NDST4: variants seen among roughly 807,000 people sequenced by gnomAD.
NDST4 encodes N-heparan sulfate sulfotransferase 4.
NDST4 carries 63 observed loss-of-function variants against 100.8 expected under a neutral mutation model. That is an observed-to-expected ratio of 0.62 (90% CI 0.51 to 0.77). NDST4 has a LOEUF of 0.77. NDST4 is among the 30% of genes least tolerant of loss of function. NDST4 has a pLI of 0.00. For missense variants in NDST4, 943 were observed against 1,018.4 expected (o/e 0.93, Z 1.01); for synonymous variants, 377 against 361.8 (o/e 1.04, Z -0.48).
At chr4:115,090,209 T>C (rs1729488325) in intron 1 of NDST4, among the ~76,000 whole-genome samples, 1 of 151,862 alleles carries the variant, frequency 6.6e-6, no homozygotes, top group South Asian at 2.1e-4. Flanking sequence ...ATATATATTT[T>C]TACTAGGCAC....
rs373280089 is a variant in NDST4 at position 114,884,962 on chromosome 4, A to G, written c.1537-14012T>C. On this transcript the variant is annotated intron_variant, in intron 6 of 13. Coordinates refer to ENST00000264363, the MANE Select transcript of NDST4 (RefSeq NM_022569.3). ...AGCTCAGAGTGGTTTTGCAGTTTAT[A>G]CATAAGATGATCTGAGAAACTAAAA... Among the ~76,000 whole-genome samples, 28 of 152,280 alleles carry G rather than the reference A, an allele frequency of 1.8e-4. No individual in the cohort carries two copies. In the East Asian group the frequency reaches 5.4e-3, roughly 29 times the overall value.
chr4:114,852,289 A>G (rs1435464403), intron 8 of NDST4, among the ~76,000 whole-genome samples: 2 of 152,288 alleles, frequency 1.3e-5, no homozygotes, highest in African/African-American at 2.4e-5. Flanking sequence ...TTTGAAAGTA[A>G]TCATGGCAGT....
At chr4:114,938,283 G>C (rs1351220555) in intron 4 of NDST4, among the ~76,000 whole-genome samples, 1 of 152,112 alleles carries the variant, frequency 6.6e-6, no homozygotes, top group East Asian at 1.9e-4. Flanking sequence ...CCTTGGTTTT[G>C]AACCTTAACA....
chr4:115,105,808 C>T (rs1729822359), intron 1 of NDST4, among the ~76,000 whole-genome samples: 1 of 152,116 alleles, frequency 6.6e-6, no homozygotes, highest in African/African-American at 2.4e-5. Context: ...GCTTAGTCTG[C>T]TAGCGTCACA....
At chr4:114,993,710 A>G (rs899643937) in intron 2 of NDST4, among the ~76,000 whole-genome samples, 1 of 151,954 alleles carries the variant, frequency 6.6e-6, no homozygotes, top group East Asian at 1.9e-4. Context: ...CATAAAGTCT[A>G]TCTTCCGCTA....
At position 114,847,416 on chromosome 4, in the gene NDST4, A is replaced by AAAAAAAAAAAAT. The variant is rs1391736224; in HGVS notation, c.1940+798_1940+799insATTTTTTTTTTT. 2.7e-4 allele frequency among the ~76,000 whole-genome samples: 28 copies of AAAAAAAAAAAAT among 103,638 alleles called. 6 individuals carry two copies. Among genetic ancestry groups the AAAAAAAAAAAAT allele is most frequent in the African/African-American group, 7.6e-4 (18 of 23,592 alleles). 68.0% of individuals were successfully genotyped at this position (103,638 alleles called of 152,430 possible). On this transcript the variant is annotated intron_variant, in intron 9 of 13. Transcript: ENST00000264363. Reference sequence around the variant, plus strand: ...AAAAAAAAAAAAAAAAAAAAAAAAAAGTGTCTTTCATTGCAAACAGGTTCA... The same window carrying AAAAAAAAAAAAT: ...AAAAAAAAAAAAAAAAAAAAAAAAAAAAAAAAAAAAATGTGTCTTTCATTGCAAACAGGTTCA...
chr4:115,002,379 G>T (rs993675205), intron 2 of NDST4, among the ~76,000 whole-genome samples: 2 of 152,128 alleles, frequency 1.3e-5, no homozygotes, highest in African/African-American at 4.8e-5. Context: ...TAAGTTCCTT[G>T]TAGATTCTGG....
At chr4:114,984,301 C>T (rs997520858) in intron 2 of NDST4, among the ~76,000 whole-genome samples, 3 of 152,134 alleles carry the variant, frequency 2.0e-5, no homozygotes, top group Non-Finnish European at 4.4e-5. Flanking sequence ...GCCTCAGCCT[C>T]CTGAGTAGAT....
chr4:114,879,489 C>T (rs1724321853), intron 6 of NDST4, among the ~76,000 whole-genome samples: 1 of 152,148 alleles, frequency 6.6e-6, no homozygotes. Context: ...CATCCCTCTT[C>T]CCCATTCCCT....
At chr4:115,103,190 C>T (rs1436058958) in intron 1 of NDST4, among the ~76,000 whole-genome samples, 2 of 152,094 alleles carry the variant, frequency 1.3e-5, no homozygotes, top group African/African-American at 2.4e-5. Context: ...TGACTTTGTG[C>T]TGCTGGTGAT....
intron 6 of NDST4, among the ~76,000 whole-genome samples, chr4:114,891,821 A>G (rs1482225566): frequency 6.6e-6 from 1 of 152,088 alleles, no homozygotes; most frequent in African/African-American, 2.4e-5. Flanking sequence ...TCTAACCTTA[A>G]CCTTGAGTTC....
At chr4:114,947,975 G>T (rs185702720) in intron 4 of NDST4, among the ~76,000 whole-genome samples, 1 of 152,090 alleles carries the variant, frequency 6.6e-6, no homozygotes, top group Admixed American at 6.6e-5. Context: ...GCTGTCTACC[G>T]TGTGCTTCAT....
intron 2 of NDST4, among the ~76,000 whole-genome samples, chr4:115,039,733 T>C (rs2126273502): frequency 6.6e-6 from 1 of 152,154 alleles, no homozygotes; most frequent in East Asian, 1.9e-4. Flanking sequence ...TAGACAAGAG[T>C]GTGTGGTATA....
intron 12 of NDST4, among the ~76,000 whole-genome samples, chr4:114,830,361 T>C (rs1723168627): frequency 1.3e-5 from 2 of 152,222 alleles, no homozygotes; most frequent in South Asian, 4.1e-4. Flanking sequence ...TAAACATGAA[T>C]TAAAGCTTTC....
intron 6 of NDST4, among the ~76,000 whole-genome samples, chr4:114,896,679 T>C (rs180815223): frequency 6.6e-6 from 1 of 151,466 alleles, no homozygotes; most frequent in East Asian, 2.0e-4. Flanking sequence ...GAAGAACACA[T>C]ATTATTCTAG....
At chr4:114,897,377 G>A (rs529958154) in intron 6 of NDST4, among the ~76,000 whole-genome samples, 2 of 152,150 alleles carry the variant, frequency 1.3e-5, no homozygotes, top group South Asian at 2.1e-4. Context: ...ATACATTTAA[G>A]TTTCTTCCAT....
At chr4:114,842,068 A>T (rs1723437912) in intron 10 of NDST4, among the ~76,000 whole-genome samples, 1 of 152,234 alleles carries the variant, frequency 6.6e-6, no homozygotes, top group Non-Finnish European at 1.5e-5. Context: ...AAATTCGTAC[A>T]TACACAAAAT....
chr4:115,002,558 G>A, intron 2 of NDST4, among the ~76,000 whole-genome samples: 1 of 152,160 alleles, frequency 6.6e-6, no homozygotes, highest in East Asian at 1.9e-4. Context: ...TTTTAGTCAT[G>A]AAGTCTTTGC....
chr4:114,959,194 T>C (rs996716665), intron 4 of NDST4, among the ~76,000 whole-genome samples: 5 of 152,164 alleles, frequency 3.3e-5, no homozygotes, highest in Admixed American at 3.3e-4. Context: ...CTCTAGGAAG[T>C]TTCAAAATTT....
Sources: gnomAD v4.1 joint callset for allele counts (sites outside exome capture counted in the v4.1 genomes callset) on GRCh38, gnomAD v4.1.1 for gene constraint, MANE v1.5 for transcripts, NCBI Gene and HGNC (gene_info 2026-07-23, HGNC 2026-07-21) for gene names.